GLIS1: variants seen among roughly 807,000 people sequenced by gnomAD.
GLIS1 encodes GLIS family zinc finger 1.
A neutral mutation model predicts 63.8 loss-of-function variants in GLIS1; 24 were observed. That is an observed-to-expected ratio of 0.38 (90% CI 0.27 to 0.53). The LOEUF is 0.53. Ranked by LOEUF, GLIS1 falls within the 20% of genes least tolerant of loss-of-function variation. The pLI is 0.85. For synonymous variants in GLIS1, 450 were observed against 482.5 expected, an observed-to-expected ratio of 0.93 and a Z score of 0.88; for missense variants, 1,036 against 1,074.1, an observed-to-expected ratio of 0.96 and a Z score of 0.50.
intron 8 of GLIS1, among the ~76,000 whole-genome samples, chr1:53,513,239 C>G (rs559983606): frequency 7.2e-5 from 11 of 152,292 alleles, no homozygotes; most frequent in Non-Finnish European, 1.3e-4. Flanking sequence ...CGGGCTCCCC[C>G]TCCCCAGCCT....
At chr1:53,604,151 A>G (rs1483136567) in intron 2 of GLIS1, among the ~76,000 whole-genome samples, 2 of 152,228 alleles carry the variant, frequency 1.3e-5, no homozygotes, top group African/African-American at 4.8e-5. Flanking sequence ...TAATGTGATG[A>G]TAATTATTTC....
chr1:53,537,586 G>A (rs1253400248), intron 4 of GLIS1, among the ~76,000 whole-genome samples: 3 of 152,158 alleles, frequency 2.0e-5, no homozygotes, highest in Admixed American at 1.3e-4. Flanking sequence ...CACCACAAAC[G>A]GCTGGTAGAA....
chr1:53,585,450 A>G (rs1645124975), intron 4 of GLIS1, among the ~76,000 whole-genome samples: 1 of 144,378 alleles, frequency 6.9e-6, no homozygotes, highest in South Asian at 2.4e-4. Flanking sequence ...GTGTTTAGCC[A>G]TTGGTCCACC....
chr1:53,548,819 A>G (rs563403), intron 4 of GLIS1, among the ~76,000 whole-genome samples: 141,527 of 152,330 alleles, frequency 0.93, 65,800 homozygotes, highest in East Asian at 1. Context: ...CATTTGAAGT[A>G]TACGATTCAG....
At chr1:53,661,883 G>A (rs1646032665) in intron 2 of GLIS1, among the ~76,000 whole-genome samples, 1 of 152,210 alleles carries the variant, frequency 6.6e-6, no homozygotes, top group East Asian at 1.9e-4. Context: ...ACTGCCAACA[G>A]GGAAGATAAA....
intron 2 of GLIS1, among the ~76,000 whole-genome samples, chr1:53,654,363 T>C (rs949376090): frequency 4.0e-5 from 6 of 151,826 alleles, no homozygotes; most frequent in African/African-American, 1.2e-4. Flanking sequence ...CCATAGGCGG[T>C]GAGAGGAGCA....
intron 2 of GLIS1, among the ~76,000 whole-genome samples, chr1:53,709,405 T>TAC (rs780900347): frequency 8.5e-6 from 1 of 117,202 alleles, no homozygotes; most frequent in African/African-American, 4.6e-5. Flanking sequence ...CATATACATA[T>TAC]ATATATACAC....
At position 53,511,653 on chromosome 1, in the gene GLIS1, CATT is replaced by C. The variant is rs1230872511; in HGVS notation, c.1884-1629_1884-1627del. On this transcript the variant is annotated intron_variant, in intron 8 of 10. Coordinates refer to ENST00000628545, the MANE Select transcript of GLIS1 (RefSeq NM_001367484.1). This position sits in a 1 kb window ranked among gnomAD's most constrained non-coding sequence, Gnocchi z 4.2. The stretch of plus-strand genomic sequence containing the variant: ...AGGAATAAATTATCATTATCATCAT[CATT>C]ATTTTTAGGCCTGTCTTGTGGGGTG... Among the ~76,000 whole-genome samples the C allele has an allele frequency of 3.3e-5, 5 of 152,174 alleles. No individual in the cohort carries two copies. Among genetic ancestry groups the C allele is most frequent in the African/African-American group, 9.7e-5 (4 of 41,414 alleles).
intron 4 of GLIS1, among the ~76,000 whole-genome samples, chr1:53,588,797 T>C (rs1479585520): frequency 1.3e-5 from 2 of 152,176 alleles, no homozygotes; most frequent in Non-Finnish European, 2.9e-5. Flanking sequence ...AGGCGGTGTG[T>C]CCCATTAGAA....
chr1:53,509,806 G>C, intron 9 of GLIS1, 43 bp downstream of exon 9: 3 of 1,201,134 alleles, frequency 2.5e-6, no homozygotes, highest in Non-Finnish European at 3.2e-6. Flanking sequence ...CCCTAAGTGG[G>C]AATTGGGGGG....
chr1:53,678,328 A>AG (rs56148850), intron 2 of GLIS1, among the ~76,000 whole-genome samples: 61 of 70,448 alleles, frequency 8.7e-4, no homozygotes, highest in African/African-American at 3.2e-3. Flanking sequence ...CAGGAGGGTG[A>AG]GGGGGGGGGG....
intron 2 of GLIS1, among the ~76,000 whole-genome samples, chr1:53,697,920 A>G (rs1242010417): frequency 6.6e-6 from 1 of 152,146 alleles, no homozygotes; most frequent in African/African-American, 2.4e-5. Context: ...CGAACACTCT[A>G]TGTAAAATAC....
intron 4 of GLIS1, 129 bp from the exon 5 acceptor site, chr1:53,530,081 C>T: frequency 1.2e-6 from 1 of 826,162 alleles, no homozygotes; most frequent in Admixed American, 2.8e-5. Context: ...CCTCTGAGAG[C>T]TCTGGATCAG....
intron 2 of GLIS1, among the ~76,000 whole-genome samples, chr1:53,711,278 A>C (rs1390057299): frequency 2.0e-5 from 3 of 152,172 alleles, no homozygotes; most frequent in African/African-American, 2.4e-5. Flanking sequence ...ATCTTCCCAG[A>C]GCCCAGGCCT....
At chr1:53,729,598 T>C (rs750450736) in intron 2 of GLIS1, among the ~76,000 whole-genome samples, 17 of 151,438 alleles carry the variant, frequency 1.1e-4, no homozygotes, top group Non-Finnish European at 2.1e-4. Flanking sequence ...CAACTTATTT[T>C]ATGACCTTTT....
intron 7 of GLIS1, among the ~76,000 whole-genome samples, chr1:53,515,114 T>C (rs935239350): frequency 1.3e-4 from 19 of 148,372 alleles, no homozygotes; most frequent in African/African-American, 5.1e-5. Flanking sequence ...TGTGTGTGTG[T>C]GTGTGTTCTG....
chr1:53,731,256 C>T (rs808860), intron 2 of GLIS1, among the ~76,000 whole-genome samples: 87,297 of 152,086 alleles, frequency 0.57, 25,954 homozygotes, highest in South Asian at 0.65. Context: ...CCTGAGGATC[C>T]TGAGTCACTG....
At chr1:53,734,931 C>A (rs1646899072) in intron 2 of GLIS1, among the ~76,000 whole-genome samples, 1 of 152,236 alleles carries the variant, frequency 6.6e-6, no homozygotes, top group African/African-American at 2.4e-5. Context: ...CTGCCATAAA[C>A]AGATCATGAT....
chr1:53,566,616 C>T (rs1010859715), intron 4 of GLIS1, among the ~76,000 whole-genome samples: 6 of 152,170 alleles, frequency 3.9e-5, no homozygotes, highest in East Asian at 1.9e-4. Flanking sequence ...CCCCATATTT[C>T]GGGGGAAGGG....
Sources: gnomAD v4.1 joint callset for allele counts (sites outside exome capture counted in the v4.1 genomes callset) on GRCh38, gnomAD v4.1.1 for gene constraint, Gnocchi (gnomAD v3.1) non-coding constraint, MANE v1.5 for transcripts, NCBI Gene and HGNC (gene_info 2026-07-23, HGNC 2026-07-21) for gene names.